Variants in RSPH9 observed in about 807,000 individuals in gnomAD.
RSPH9 encodes the protein radial spoke head component 9, also known as radial spoke head protein 9 homolog.
RSPH9 carries 27 observed loss-of-function variants against 27.0 expected under a neutral mutation model. The observed-to-expected ratio is 1.00, with a 90% CI of 0.74 to 1.38. RSPH9 has a LOEUF of 1.38. RSPH9 is among the 40% of genes most tolerant of loss of function. RSPH9 has a pLI of 0.00. For synonymous variants in RSPH9, 145 were observed against 147.7 expected (o/e 0.98, Z 0.13); for missense variants, 347 against 357.4 (o/e 0.97, Z 0.24).
At chr6:43,646,298 AT>A (rs1002739095) in intron 1 of RSPH9, among the ~76,000 whole-genome samples, 77 of 147,756 alleles carry the variant, frequency 5.2e-4, no homozygotes, top group South Asian at 1.3e-3. Flanking sequence ...TGCCCGGTTA[AT>A]TTTTTTTTGT....
At chr6:43,667,053 G>C (rs1350584490) in intron 4 of RSPH9, among the ~76,000 whole-genome samples, 2 of 152,156 alleles carry the variant, frequency 1.3e-5, no homozygotes, top group Non-Finnish European at 2.9e-5. Flanking sequence ...CAGGAGCCTA[G>C]ATTCCTAGGT....
rs1435177089 is a variant in RSPH9, at chr6:43,671,335, GAATTC to G, written c.*391_*395del. On this transcript the variant is annotated 3_prime_UTR_variant, in exon 5 of 5. Coordinates refer to ENST00000372163, the MANE Select transcript of RSPH9 (RefSeq NM_152732.5). ...AGAGGATGGGACCTGTTTGGCCCATGAATTCAATTGACTCATTGGCCCCATCACAA... is the reference window on the plus strand; with the variant it reads ...AGAGGATGGGACCTGTTTGGCCCATGAATTGACTCATTGGCCCCATCACAA... 2.5e-6 allele frequency: 1 copy of G among 407,098 alleles called. No homozygotes were observed. The highest frequency in any genetic ancestry group is 4.5e-6 in the Non-Finnish European group (1 of 221,208). The allele number at this position is 407,098 out of a possible 1,614,324, so 25.2% of individuals were successfully genotyped here.
chr6:43,658,696 C>A (rs1029479226), intron 4 of RSPH9, among the ~76,000 whole-genome samples: 1 of 152,118 alleles, frequency 6.6e-6, no homozygotes, highest in Non-Finnish European at 1.5e-5. Flanking sequence ...CGCCCGCCAC[C>A]ATGCCTGGCT....
At chr6:43,649,647 G>C (rs917349196) in intron 1 of RSPH9, among the ~76,000 whole-genome samples, 2 of 152,054 alleles carry the variant, frequency 1.3e-5, no homozygotes, top group Non-Finnish European at 2.9e-5. Flanking sequence ...CCTGGTGAGT[G>C]CTCCCGAAGG....
intron 1 of RSPH9, 34 bp downstream of exon 1, chr6:43,645,359 GTGGCTACCTGGAGGCAGGGC>G: frequency 2.7e-6 from 4 of 1,503,642 alleles, no homozygotes; most frequent in Admixed American, 1.7e-5. Context: ...TCCCCAGAGG[GTGGCTACCTGGAGGCAGGGC>G]GGGGTGGGCG....
At chr6:43,666,439 T>G (rs199722628) in intron 4 of RSPH9, 514 of 1,550,388 alleles carry the variant, frequency 3.3e-4, no homozygotes, top group Middle Eastern at 5.0e-4. Flanking sequence ...GAGGCAGTTG[T>G]TCAGGGTGAC....
chr6:43,671,953 G>T lies in RSPH9; in HGVS notation c.*1004G>T. 1.3e-6 allele frequency: 2 copies of T among 1,528,432 alleles called. No homozygotes were observed. The highest frequency in any genetic ancestry group is 1.8e-6 in the Non-Finnish European group (2 of 1,135,872). The allele number at this position is 1,528,432 out of a possible 1,614,324, so 94.7% of individuals were successfully genotyped here. A position where few individuals can be genotyped will look rare whatever the true frequency, so the allele number is the denominator to read the frequency against. ...GTGCCTGTGAGGGCTGGGGGCCCAA[G>T]CTGGACGTGGGAGAGTGGAGCACTA... On this transcript the variant is annotated 3_prime_UTR_variant, in exon 5 of 5. Coordinates refer to ENST00000372163, the MANE Select transcript of RSPH9 (RefSeq NM_152732.5).
rs756161521 is a variant in RSPH9 at position 43,655,626 on chromosome 6, T to C, written c.458T>C (p.Ile153Thr). The change falls in exon 3 of 5, where the codon ATC becomes ACC. Residue 153 changes from isoleucine (I) to threonine (T), a missense_variant. By Grantham distance (89) the Ile-to-Thr change is moderately conservative (BLOSUM62 -1). Coordinates refer to ENST00000372163, the MANE Select transcript of RSPH9 (RefSeq NM_152732.5). ...GACCAGATTGACAAGGCTGTGGCCA[T>C]CATCCCCCGAGGCGCCCTCTTCAAG... ...VIDQIDKAVA[I>T]IPRGALFKTP... 23 of 1,614,102 alleles carry C rather than the reference T, an allele frequency of 1.4e-5. No individual in the cohort carries two copies. The highest frequency in any genetic ancestry group is 4.0e-5 in the African/African-American group (3 of 74,950).
chr6:43,648,990 C>T (rs1225808653), intron 1 of RSPH9, among the ~76,000 whole-genome samples: 2 of 151,880 alleles, frequency 1.3e-5, no homozygotes. Context: ...AGTGGTGGGG[C>T]AGAAATCATG....
In RSPH9 at chr6:43,672,046, G is replaced by A. The variant is rs1453709373; in HGVS notation, c.*1097G>A. ...CCAGTTTCCCTTTCCTGAAGTGCAG[G>A]GATTTTCCTGGGAGTAACTGCTGAG... is the stretch of plus-strand genomic sequence containing the variant. On this transcript the variant is annotated 3_prime_UTR_variant, in exon 5 of 5. Transcript: ENST00000372163. 1 of 1,029,876 alleles carries A rather than the reference G, an allele frequency of 9.7e-7. No homozygotes were observed. The highest frequency in any genetic ancestry group is 1.6e-5 in the African/African-American group (1 of 61,490). The allele number at this position is 1,029,876 out of a possible 1,614,324, so 63.8% of individuals were successfully genotyped here. A position where few individuals can be genotyped will look rare whatever the true frequency, so the allele number is the denominator to read the frequency against.
At position 43,671,024 on chromosome 6, in the gene RSPH9, C is replaced by G; in HGVS notation, c.*75C>G. ...TTAAGCTTCAGTGAACTTGGCCTGC[C>G]TGTTCTGTCCTATCTTCTTAACTCC... On this transcript the variant is annotated 3_prime_UTR_variant, in exon 5 of 5. Coordinates refer to ENST00000372163, the MANE Select transcript of RSPH9 (RefSeq NM_152732.5). 6.4e-7 allele frequency: 1 copy of G among 1,552,240 alleles called. No individual in the cohort carries two copies. Among genetic ancestry groups the G allele is most frequent in the African/African-American group, 1.4e-5 (1 of 73,924 alleles).
rs1165780744 is a variant in RSPH9 at position 43,670,969 on chromosome 6, G to GT, written c.*25dup. 6.2e-7 allele frequency: 1 copy of GT among 1,613,980 alleles called. No homozygotes were observed. Among genetic ancestry groups the GT allele is most frequent in the Non-Finnish European group, 8.5e-7 (1 of 1,180,036 alleles). On this transcript the variant is annotated 3_prime_UTR_variant, in exon 5 of 5. Coordinates refer to ENST00000372163, the MANE Select transcript of RSPH9 (RefSeq NM_152732.5). ...CTATAGAATGGGAGCCAGCCTGGAT[G>GT]TTTTTAAACAGAGTCTAAACATGAT... is the stretch of plus-strand genomic sequence containing the variant.
intron 4 of RSPH9, among the ~76,000 whole-genome samples, chr6:43,658,311 G>GAAAAAAAAAAAAAAAAAAAAAAAA: frequency 9.9e-6 from 1 of 101,104 alleles, no homozygotes; most frequent in Non-Finnish European, 2.1e-5. Flanking sequence ...AAAAAAAAAA[G>GAAAAAAAAAAAAAAAAAAAAAAAA]AAAAAAAAAA....
In RSPH9 at chr6:43,672,477, T is replaced by C. The variant is rs1369311201; in HGVS notation, c.*1528T>C. ...TAGGAGGGGGGTGGGGAAAGATGGCTGCCGCCCATGGACCTTTGGCCTCCT... is the reference window on the plus strand; with the variant it reads ...TAGGAGGGGGGTGGGGAAAGATGGCCGCCGCCCATGGACCTTTGGCCTCCT... On this transcript the variant is annotated 3_prime_UTR_variant, in exon 5 of 5. Transcript: ENST00000372163. 4.3e-6 allele frequency: 2 copies of C among 469,032 alleles called. No homozygotes were observed. Among genetic ancestry groups the C allele is most frequent in the Non-Finnish European group, 8.8e-6 (2 of 226,134 alleles). The allele number at this position is 469,032 out of a possible 1,614,324, so 29.1% of individuals were successfully genotyped here. A position where few individuals can be genotyped will look rare whatever the true frequency, so the allele number is the denominator to read the frequency against.
rs1243170656 is a variant in RSPH9, at chr6:43,672,590, G to C, written c.*1641G>C. The C allele has an allele frequency of 5.9e-6, 2 of 339,944 alleles. No homozygotes were observed. The highest frequency in any genetic ancestry group is 2.2e-5 in the African/African-American group (1 of 46,340). 21.1% of individuals were successfully genotyped at this position (339,944 alleles called of 1,614,324 possible). On this transcript the variant is annotated 3_prime_UTR_variant, in exon 5 of 5. Transcript: ENST00000372163. ...TTTACTCTGTCCAGAATAAAACTTG[G>C]ATCCTGTCCAGAAAGGCCCATCCTT...
chr6:43,660,039 CTTTTTTTT>C (rs1163299257), intron 4 of RSPH9, among the ~76,000 whole-genome samples: 1 of 109,350 alleles, frequency 9.1e-6, no homozygotes, highest in Non-Finnish European at 1.9e-5. Context: ...CCAGCCTGGC[CTTTTTTTT>C]TTTTTTTTTT....
At position 43,655,677 on chromosome 6, in the gene RSPH9, A is replaced by G; in HGVS notation, c.509A>G (p.Asn170Ser). The stretch of plus-strand genomic sequence containing the variant: ...ACCCCTTTTGGACCCACCCATGTCA[A>G]TCGGACCTTTGAAGGTGAGTTCTCT... Reference protein sequence around the residue: ...FKTPFGPTHVNRTFEGLSLSE... With the variant: ...FKTPFGPTHVSRTFEGLSLSE... Residue 170 changes from asparagine (N) to serine (S), a missense_variant, in exon 3 of 5, where the codon AAT (asparagine) becomes AGT (serine). Transcript: ENST00000372163. 6.2e-7 allele frequency: 1 copy of G among 1,614,224 alleles called. No individual in the cohort carries two copies. Among genetic ancestry groups the G allele is most frequent in the Non-Finnish European group, 8.5e-7 (1 of 1,180,038 alleles).
intron 4 of RSPH9, among the ~76,000 whole-genome samples, chr6:43,659,935 C>T (rs1241367479): frequency 6.6e-6 from 1 of 151,454 alleles, no homozygotes; most frequent in African/African-American, 2.4e-5. Context: ...AGGGTTTCAC[C>T]AAGTTGTCCA....
intron 4 of RSPH9, among the ~76,000 whole-genome samples, chr6:43,663,850 T>C (rs1772869767): frequency 1.3e-5 from 2 of 151,716 alleles, no homozygotes. Context: ...GCCAACATAG[T>C]GAAACCCCAT....
Sources: allele counts gnomAD v4.1 joint callset (sites outside exome capture counted in the v4.1 genomes callset), GRCh38; gene constraint gnomAD v4.1.1; transcripts MANE v1.5; gene names NCBI Gene and HGNC (gene_info 2026-07-23, HGNC 2026-07-21).